TYW1: variants seen among roughly 807,000 people sequenced by gnomAD.
TYW1 encodes S-adenosyl-L-methionine-dependent tRNA 4-demethylwyosine synthase TYW1.
In TYW1, 46 loss-of-function variants were observed where a neutral mutation model predicts 96.2. That is an observed-to-expected ratio of 0.48 (90% CI 0.38 to 0.61). TYW1 has a LOEUF of 0.61. Among genes scored for constraint, TYW1 ranks in the 20% least tolerant of loss-of-function variants. The pLI is 0.00. For synonymous variants in TYW1, 274 were observed against 323.0 expected, an observed-to-expected ratio of 0.85 and a Z score of 1.63; for missense variants, 684 against 909.6, an observed-to-expected ratio of 0.75 and a Z score of 3.19.
intron 6 of TYW1, among the ~76,000 whole-genome samples, chr7:67,024,493 T>A (rs576099410): frequency 1.4e-4 from 22 of 151,990 alleles, no homozygotes; most frequent in Non-Finnish European, 2.8e-4. Flanking sequence ...AGTAAGAATT[T>A]ATAGACAGCC....
intron 15 of TYW1, among the ~76,000 whole-genome samples, chr7:67,204,959 A>G (rs1800734071): frequency 6.6e-6 from 1 of 152,054 alleles, no homozygotes. Context: ...TAAAATCTTA[A>G]TCAGATAATA....
At chr7:67,047,994 G>A (rs995906876) in intron 7 of TYW1, among the ~76,000 whole-genome samples, 32 of 151,176 alleles carry the variant, frequency 2.1e-4, no homozygotes, top group Non-Finnish European at 3.2e-4. Flanking sequence ...CCCCATGTTG[G>A]CCAGGCTGGT....
chr7:67,227,877 C>T (rs187581488), intron 15 of TYW1, among the ~76,000 whole-genome samples: 31 of 152,320 alleles, frequency 2.0e-4, no homozygotes, highest in African/African-American at 5.8e-4. Context: ...CCTGTTCCCT[C>T]GGTTAGCGTT....
chr7:67,083,308 G>A (rs1019609515), intron 10 of TYW1, 122 bp from the exon 11 acceptor site: 5 of 886,226 alleles, frequency 5.6e-6, no homozygotes, highest in Non-Finnish European at 8.8e-6. Context: ...ATACATGGTT[G>A]AACTCTTAGG....
At chr7:67,018,368 A>T (rs1446161444) in intron 6 of TYW1, among the ~76,000 whole-genome samples, 1 of 151,632 alleles carries the variant, frequency 6.6e-6, no homozygotes, top group Non-Finnish European at 1.5e-5. Context: ...GCAAGACCCT[A>T]TCTTTACCAC....
chr7:67,128,376 G>A (rs547644902), intron 13 of TYW1, among the ~76,000 whole-genome samples: 3 of 152,040 alleles, frequency 2.0e-5, no homozygotes, highest in African/African-American at 7.3e-5. Flanking sequence ...CCAGCATTTC[G>A]ATTTTGTTCT....
At chr7:67,113,637 T>TTTTC in intron 12 of TYW1, among the ~76,000 whole-genome samples, 2 of 129,688 alleles carry the variant, frequency 1.5e-5, no homozygotes, top group South Asian at 2.6e-4. Context: ...TTCTTTTTCT[T>TTTTC]TTTCTTTCTT....
intron 11 of TYW1, among the ~76,000 whole-genome samples, chr7:67,090,465 G>A (rs1648793386): frequency 6.6e-6 from 1 of 152,194 alleles, no homozygotes; most frequent in African/African-American, 2.4e-5. Flanking sequence ...CGGATCTTAA[G>A]TTCTGGCTTT....
chr7:67,090,408 T>TTA (rs1230026640), intron 11 of TYW1, among the ~76,000 whole-genome samples: 8 of 152,216 alleles, frequency 5.3e-5, no homozygotes, highest in African/African-American at 1.9e-4. Flanking sequence ...ATCATGTTTA[T>TTA]TTGTGTGTTA....
At chr7:67,025,740 T>G (rs1794429653) in intron 7 of TYW1, among the ~76,000 whole-genome samples, 1 of 152,254 alleles carries the variant, frequency 6.6e-6, no homozygotes, top group African/African-American at 2.4e-5. Context: ...TCATGCAGAT[T>G]CCAGTGATCT....
chr7:67,181,100 T>G (rs1000805348), intron 13 of TYW1, among the ~76,000 whole-genome samples: 1 of 152,184 alleles, frequency 6.6e-6, no homozygotes, highest in African/African-American at 2.4e-5. Context: ...AGGGATGGCT[T>G]TTAAACTATA....
chr7:67,090,977 T>C (rs369456400), intron 11 of TYW1, among the ~76,000 whole-genome samples: 2 of 152,178 alleles, frequency 1.3e-5, no homozygotes, highest in East Asian at 3.9e-4. Flanking sequence ...GACTGTAAAC[T>C]AGTTCAACCA....
chr7:67,144,767 GCCT>G (rs1321540379), intron 13 of TYW1, among the ~76,000 whole-genome samples: 1 of 152,014 alleles, frequency 6.6e-6, no homozygotes, highest in Non-Finnish European at 1.5e-5. Flanking sequence ...ACCGGGCCTG[GCCT>G]CCTCTTTGTT....
intron 7 of TYW1, among the ~76,000 whole-genome samples, chr7:67,032,527 A>G (rs940660196): frequency 6.6e-6 from 1 of 152,196 alleles, no homozygotes; most frequent in African/African-American, 2.4e-5. Context: ...AGGCTGAGGT[A>G]GGAGAATCGC....
At chr7:67,172,297 T>G (rs1391754977) in intron 13 of TYW1, among the ~76,000 whole-genome samples, 1 of 142,996 alleles carries the variant, frequency 7.0e-6, no homozygotes, top group East Asian at 2.2e-4. Flanking sequence ...CAATGTAAAT[T>G]AACGTTTATA....
intron 3 of TYW1, among the ~76,000 whole-genome samples, chr7:67,001,088 TA>T (rs1273519851): frequency 3.3e-5 from 5 of 151,348 alleles, no homozygotes; most frequent in East Asian, 1.9e-4. Context: ...TTTACCTTTT[TA>T]AAAAAAATGA....
intron 7 of TYW1, among the ~76,000 whole-genome samples, chr7:67,046,817 CA>C (rs1795202592): frequency 6.6e-6 from 1 of 152,206 alleles, no homozygotes; most frequent in African/African-American, 2.4e-5. Context: ...GACTTTTAAT[CA>C]TTGCCCTTAT....
At chr7:67,064,723 G>A (rs549140854) in intron 9 of TYW1, among the ~76,000 whole-genome samples, 2 of 152,250 alleles carry the variant, frequency 1.3e-5, no homozygotes, top group Admixed American at 1.3e-4. Context: ...CCCACAACAC[G>A]TGGGAATTCT....
At chr7:67,208,002 T>A (rs796813917) in intron 15 of TYW1, among the ~76,000 whole-genome samples, 12 of 152,300 alleles carry the variant, frequency 7.9e-5, no homozygotes, top group African/African-American at 2.9e-4. Context: ...ATTTTAGGTG[T>A]AAGCCACTGC....
Sources: gnomAD v4.1 joint callset for allele counts (sites outside exome capture counted in the v4.1 genomes callset) on GRCh38, gnomAD v4.1.1 for gene constraint, MANE v1.5 for transcripts, NCBI Gene and HGNC (gene_info 2026-07-23, HGNC 2026-07-21) for gene names.